Variants in CSMD3 observed in about 807,000 individuals in gnomAD.
The protein encoded by CSMD3 is CUB and sushi domain-containing protein 3.
In CSMD3, 177 loss-of-function variants were observed where a neutral mutation model predicts 435.2. The ratio of observed to expected loss-of-function variants is 0.41; its 90% CI spans 0.36 to 0.46. The LOEUF (loss-of-function observed/expected upper bound fraction) is 0.46, where lower values mean the gene tolerates loss of function less well. Ranked by LOEUF, CSMD3 falls within the 20% of genes least tolerant of loss-of-function variation. The pLI is 0.34. For missense variants in CSMD3, 4,265 were observed against 4,504.6 expected (o/e 0.95, Z 1.52); for synonymous variants, 1,656 against 1,520.5 (o/e 1.09, Z -2.07).
intron 17 of CSMD3, among the ~76,000 whole-genome samples, chr8:112,656,874 C>T (rs1416336643): frequency 6.6e-6 from 1 of 152,022 alleles, no homozygotes; most frequent in East Asian, 1.9e-4. Context: ...TTGAAAACAA[C>T]AGTTCTAAGT....
intron 62 of CSMD3, 88 bp downstream of exon 62, chr8:112,255,166 T>C (rs1300598140): frequency 1.3e-5 from 14 of 1,113,642 alleles, no homozygotes; most frequent in Non-Finnish European, 1.9e-5. Flanking sequence ...TTAAGCCAAC[T>C]ATAGGTTATA....
At position 112,500,669 on chromosome 8, in the gene CSMD3, C is replaced by T. The variant is rs115043388; in HGVS notation, c.5083+3121G>A. Among the ~76,000 whole-genome samples, 1,310 of 152,136 alleles carry T rather than the reference C, an allele frequency of 8.6e-3. 18 individuals carry two copies. The highest frequency in any genetic ancestry group is 0.03 in the African/African-American group (1,265 of 41,496). On this transcript the variant is annotated intron_variant, in intron 30 of 70. Transcript: ENST00000297405. ...AGGTTTTCCTTTTAATGAAAAGGAG[C>T]CATCATATCACTTTCTTTTCTAACA...
In CSMD3 at chr8:113,295,316, GT is replaced by G. The variant is rs200405194; in HGVS notation, c.402-16613del. Among the ~76,000 whole-genome samples, 949 of 151,802 alleles carry G rather than the reference GT, an allele frequency of 6.3e-3. 10 individuals are homozygous for G. The highest frequency in any genetic ancestry group is 0.022 in the African/African-American group (918 of 41,384). The stretch of plus-strand genomic sequence containing the variant: ...GTGGAAGAACTATAATTCAAAAGAG[GT>G]TTTTTTTCTGACTCCAAAATTCATG... On this transcript the variant is annotated intron_variant, in intron 2 of 70. Coordinates refer to ENST00000297405, the MANE Select transcript of CSMD3 (RefSeq NM_198123.2).
At chr8:113,100,140 C>T (rs2090286199) in intron 4 of CSMD3, among the ~76,000 whole-genome samples, 1 of 151,970 alleles carries the variant, frequency 6.6e-6, no homozygotes, top group Admixed American at 6.6e-5. Flanking sequence ...TTCTTTCTTG[C>T]TCTTTATCCA....
intron 31 of CSMD3, among the ~76,000 whole-genome samples, chr8:112,484,216 A>C (rs1819903019): frequency 6.6e-6 from 1 of 152,110 alleles, no homozygotes; most frequent in Admixed American, 6.5e-5. Context: ...ACTTTAACCG[A>C]ATTTTTTTCT....
rs192914299 is a variant in CSMD3 at position 112,919,710 on chromosome 8, G to T, written c.1633+1917C>A. Among the ~76,000 whole-genome samples the T allele has an allele frequency of 6.2e-3, 938 of 151,876 alleles. 7 individuals are homozygous for T. Among genetic ancestry groups the T allele is most frequent in the African/African-American group, 0.02 (838 of 41,474 alleles). ...CTTTATGGCTATAATTTCATCTTGAGTGAAGGACACAAGAAATCAGCCTTG... is the reference window on the plus strand; with the variant it reads ...CTTTATGGCTATAATTTCATCTTGATTGAAGGACACAAGAAATCAGCCTTG... On this transcript the variant is annotated intron_variant, in intron 10 of 70. Coordinates refer to ENST00000297405, the MANE Select transcript of CSMD3 (RefSeq NM_198123.2).
intron 52 of CSMD3, among the ~76,000 whole-genome samples, chr8:112,302,920 C>A (rs1422267151): frequency 6.6e-6 from 1 of 151,228 alleles, no homozygotes; most frequent in African/African-American, 2.4e-5. Context: ...AAATGGAGGA[C>A]CAGAAAAAAA....
intron 13 of CSMD3, among the ~76,000 whole-genome samples, chr8:112,735,478 T>C (rs756931833): frequency 7.9e-5 from 12 of 152,184 alleles, no homozygotes; most frequent in East Asian, 1.9e-4. Context: ...ATCTCTCAGA[T>C]ACCCAGTTAT....
chr8:113,376,979 G>T (rs2094388392), intron 1 of CSMD3: 6 of 1,309,232 alleles, frequency 4.6e-6, no homozygotes, highest in Non-Finnish European at 6.1e-6. Context: ...TGTGCGCTGC[G>T]CATGACCAGC....
Position 112,478,701 on chromosome 8 carries a change from G to A in CSMD3, c.5279-5994C>T, listed in dbSNP as rs539888862. Among the ~76,000 whole-genome samples, 7 of 152,190 alleles carry A rather than the reference G, an allele frequency of 4.6e-5. No homozygotes were observed. The South Asian group carries it at 1.5e-3, about 32-fold the overall frequency. The stretch of plus-strand genomic sequence containing the variant: ...CCCAAGAAGATAGGGGTGGGTCCGT[G>A]GTGAAACCCCACCTTCAAGCAAAAA... On this transcript the variant is annotated intron_variant, in intron 31 of 70. Coordinates refer to ENST00000297405, the MANE Select transcript of CSMD3 (RefSeq NM_198123.2).
chr8:112,335,905 T>A (rs1390103985), intron 44 of CSMD3, among the ~76,000 whole-genome samples: 1 of 152,096 alleles, frequency 6.6e-6, no homozygotes, highest in East Asian at 1.9e-4. Flanking sequence ...CTTTCTTTAA[T>A]ACATTTTTAT....
At chr8:112,533,421 G>A (rs1005970754) in intron 27 of CSMD3, among the ~76,000 whole-genome samples, 4 of 151,826 alleles carry the variant, frequency 2.6e-5, no homozygotes, top group Non-Finnish European at 5.9e-5. Flanking sequence ...GTGAAGGAAT[G>A]AAACATGTAT....
chr8:113,067,815 G>T (rs1413713069), intron 5 of CSMD3, among the ~76,000 whole-genome samples: 2 of 152,044 alleles, frequency 1.3e-5, no homozygotes, highest in Non-Finnish European at 1.5e-5. Flanking sequence ...TGTGCTTAGG[G>T]TATGAATGAG....
At chr8:112,920,028 T>C (rs1194895899) in intron 10 of CSMD3, among the ~76,000 whole-genome samples, 1 of 151,566 alleles carries the variant, frequency 6.6e-6, no homozygotes, top group Admixed American at 6.6e-5. Context: ...CACAGAAAAA[T>C]GCAGAAACAC....
chr8:112,406,481 T>C (rs757822719), intron 35 of CSMD3, 43 bp downstream of exon 35: 35 of 1,358,396 alleles, frequency 2.6e-5, no homozygotes, highest in African/African-American at 4.4e-5. Flanking sequence ...AATTTTTATA[T>C]AAACTATGTA....
intron 58 of CSMD3, among the ~76,000 whole-genome samples, chr8:112,286,847 G>A (rs1819255024): frequency 6.6e-6 from 1 of 152,012 alleles, no homozygotes; most frequent in Non-Finnish European, 1.5e-5. Context: ...TGTGAACAAT[G>A]TTTGCATATA....
intron 3 of CSMD3, among the ~76,000 whole-genome samples, chr8:113,243,789 T>C (rs1284830190): frequency 6.6e-6 from 1 of 152,174 alleles, no homozygotes; most frequent in Non-Finnish European, 1.5e-5. Flanking sequence ...GTGTATCTTC[T>C]TGATTTAACC....
At chr8:112,534,146 T>C (rs909099891) in intron 27 of CSMD3, among the ~76,000 whole-genome samples, 1 of 152,034 alleles carries the variant, frequency 6.6e-6, no homozygotes, top group African/African-American at 2.4e-5. Context: ...ATTCAAAAGC[T>C]AGCAGAAGGC....
chr8:113,341,749 TGTAAA>T (rs2094120416), intron 1 of CSMD3, among the ~76,000 whole-genome samples: 1 of 152,136 alleles, frequency 6.6e-6, no homozygotes. Flanking sequence ...ATGCTTTAGG[TGTAAA>T]GTAAACAATG....
Sources: allele counts gnomAD v4.1 joint callset (sites outside exome capture counted in the v4.1 genomes callset), GRCh38; gene constraint gnomAD v4.1.1; transcripts MANE v1.5; gene names NCBI Gene and HGNC (gene_info 2026-07-23, HGNC 2026-07-21).